Variants in RAI1 observed in about 807,000 individuals in gnomAD.
RAI1 encodes the protein retinoic acid induced 1.
A neutral mutation model predicts 123.8 loss-of-function variants in RAI1; 9 were observed. The ratio of observed to expected loss-of-function variants is 0.07; its 90% CI spans 0.04 to 0.13. The LOEUF (loss-of-function observed/expected upper bound fraction) is 0.13, where lower values mean the gene tolerates loss of function less well. Among genes scored for constraint, RAI1 ranks in the 10% least tolerant of loss-of-function variants. The pLI is 1.00. For missense variants in RAI1, 2,256 were observed against 2,545.8 expected, an observed-to-expected ratio of 0.89 and a Z score of 2.45; for synonymous variants, 1,231 against 1,127.3, an observed-to-expected ratio of 1.09 and a Z score of -1.84.
rs1393276652 is a variant in RAI1 at position 17,683,129 on chromosome 17, A to G, written c.-149+1336A>G. On this transcript the variant is annotated intron_variant, in intron 1 of 5. Coordinates refer to ENST00000353383, the MANE Select transcript of RAI1 (RefSeq NM_030665.4). ...TGTGTTGAGAATTCAAGGGCATTAC[A>G]TCTGGTTGCAATCCAGTTTCATGCC... 3.9e-5 allele frequency among the ~76,000 whole-genome samples: 6 copies of G among 152,204 alleles called. No individual in the cohort carries two copies. In the East Asian group the frequency reaches 1.2e-3, roughly 29 times the overall value.
intron 2 of RAI1, among the ~76,000 whole-genome samples, chr17:17,763,321 C>T (rs76723567): frequency 7.9e-5 from 12 of 152,208 alleles, no homozygotes; most frequent in African/African-American, 2.2e-4. Flanking sequence ...TGATCCAGAC[C>T]GGGAGCTGCC....
chr17:17,698,502 A>G (rs1009430021), intron 1 of RAI1, among the ~76,000 whole-genome samples: 1 of 151,890 alleles, frequency 6.6e-6, no homozygotes, highest in Non-Finnish European at 1.5e-5. Context: ...ACCCCTTTAT[A>G]TTGAATGTGT....
At chr17:17,740,540 T>A (rs73294188) in intron 2 of RAI1, among the ~76,000 whole-genome samples, 3 of 152,114 alleles carry the variant, frequency 2.0e-5, no homozygotes, top group African/African-American at 7.2e-5. Flanking sequence ...GTACAGGCAC[T>A]TCTCTAAGGT....
intron 2 of RAI1, chr17:17,778,639 C>T: frequency 2.3e-6 from 1 of 433,856 alleles, no homozygotes; most frequent in Non-Finnish European, 4.7e-6. Context: ...ACCGGAGCCC[C>T]AGCCCCTATG....
rs1387466500 is a variant in RAI1, at chr17:17,796,814, C to T, written c.3866C>T (p.Ala1289Val). The change falls in exon 3 of 6, where the codon GCC (alanine) becomes GTC (valine). Residue 1289 changes from alanine to valine, a missense_variant. Ala to Val is a moderately conservative substitution (Grantham distance 64). Around this residue, in one of 7 missense-constraint regions of RAI1, gnomAD observed 322 missense variants for 358.0 expected, o/e 0.90. Transcript: ENST00000353383. The surrounding 1 kb of genome is among the most constrained non-coding windows in gnomAD (Gnocchi z 5.8). ...CCCACCAAGGGCAATGGCGAGCCTG[C>T]CACAAAGCTCCCACCCCCGGAGACC... ...AKPTKGNGEP[A>V]TKLPPPETPD... 2.5e-6 allele frequency: 4 copies of T among 1,610,732 alleles called. No individual in the cohort carries two copies. The South Asian group carries it at 3.3e-5, about 13-fold the overall frequency.
chr17:17,786,683 C>A (rs1367722223), intron 2 of RAI1, among the ~76,000 whole-genome samples: 1 of 152,240 alleles, frequency 6.6e-6, no homozygotes, highest in African/African-American at 2.4e-5. Context: ...ACACTTGACA[C>A]CTCTGTGTTT....
chr17:17,810,082 C>A lies in RAI1; in HGVS notation c.*101C>A. On this transcript the variant is annotated 3_prime_UTR_variant, in exon 6 of 6. Coordinates refer to ENST00000353383, the MANE Select transcript of RAI1 (RefSeq NM_030665.4). This position sits in a 1 kb window ranked among gnomAD's most constrained non-coding sequence, Gnocchi z 4.6. ...GCAGCCCCCGGGCCTTTGAGCTGCT[C>A]CCAGCGCTGGTCCAGAGCCGATCCT... is the stretch of plus-strand genomic sequence containing the variant. The A allele has an allele frequency of 1.4e-6, 2 of 1,459,150 alleles. No individual in the cohort carries two copies. The highest frequency in any genetic ancestry group is 2.5e-5 in the East Asian group (1 of 40,084). The allele number at this position is 1,459,150 out of a possible 1,614,324, so 90.4% of individuals were successfully genotyped here. A position where few individuals can be genotyped will look rare whatever the true frequency, so the allele number is the denominator to read the frequency against.
At chr17:17,803,018 C>T (rs12946913) in intron 3 of RAI1, among the ~76,000 whole-genome samples, 1 of 148,570 alleles carries the variant, frequency 6.7e-6, no homozygotes, top group South Asian at 2.2e-4. Flanking sequence ...CAGGAGGCAG[C>T]GGTTGCCGTG....
In RAI1 at chr17:17,736,563, A is replaced by G. The variant is rs62064090; in HGVS notation, c.-17+12404A>G. ...ACCAGATGGAGAGACCTTTCTGGAG[A>G]TGGCATGCACACTTCCAGATAGGAG... is the stretch of plus-strand genomic sequence containing the variant. On this transcript the variant is annotated intron_variant, in intron 2 of 5. Coordinates refer to ENST00000353383, the MANE Select transcript of RAI1 (RefSeq NM_030665.4). 6.1e-3 allele frequency among the ~76,000 whole-genome samples: 932 copies of G among 152,360 alleles called. 13 individuals carry two copies. Among genetic ancestry groups the G allele is most frequent in the Middle Eastern group, 0.01 (3 of 294 alleles).
At chr17:17,779,824 G>C (rs55771242) in intron 2 of RAI1, among the ~76,000 whole-genome samples, 1 of 148,582 alleles carries the variant, frequency 6.7e-6, no homozygotes, top group Non-Finnish European at 1.5e-5. Context: ...GCCCAGGCTG[G>C]AGTGCAGTGG....
At chr17:17,767,410 GAA>G (rs750016149) in intron 2 of RAI1, among the ~76,000 whole-genome samples, 1 of 139,372 alleles carries the variant, frequency 7.2e-6, no homozygotes, top group Non-Finnish European at 1.6e-5. Context: ...AAAACTCGCT[GAA>G]AAAAAAAAAA....
intron 1 of RAI1, among the ~76,000 whole-genome samples, chr17:17,692,588 C>T (rs771145096): frequency 6.6e-6 from 1 of 152,214 alleles, no homozygotes; most frequent in Non-Finnish European, 1.5e-5. Flanking sequence ...CTGCTTACCC[C>T]CTTCCCCATG....
chr17:17,740,156 A>C (rs1358351296), intron 2 of RAI1, among the ~76,000 whole-genome samples: 1 of 152,216 alleles, frequency 6.6e-6, no homozygotes, highest in Non-Finnish European at 1.5e-5. Context: ...CTTAGTGCCC[A>C]GCTAGGGCCT....
intron 1 of RAI1, among the ~76,000 whole-genome samples, chr17:17,710,482 C>T (rs1402263403): frequency 6.6e-6 from 1 of 152,230 alleles, no homozygotes; most frequent in East Asian, 1.9e-4. Flanking sequence ...CCCAGAGACC[C>T]TCCTGGCCCT....
chr17:17,745,647 C>A (rs1266887562), intron 2 of RAI1, among the ~76,000 whole-genome samples: 1 of 152,212 alleles, frequency 6.6e-6, no homozygotes, highest in Admixed American at 6.5e-5. Flanking sequence ...ATCCACCCGC[C>A]TTGGCCTCCC....
intron 2 of RAI1, among the ~76,000 whole-genome samples, chr17:17,774,808 T>A (rs1221584221): frequency 1.3e-5 from 2 of 152,252 alleles, no homozygotes; most frequent in Non-Finnish European, 2.9e-5. Context: ...ATGTACGTTG[T>A]CTCCTGGCAT....
chr17:17,686,369 G>A (rs1286154337), intron 1 of RAI1, among the ~76,000 whole-genome samples: 2 of 152,122 alleles, frequency 1.3e-5, no homozygotes, highest in Admixed American at 6.5e-5. Flanking sequence ...GCTGCTTCCT[G>A]AGGGGGCTGG....
At chr17:17,682,855 C>T (rs1448291822) in intron 1 of RAI1, among the ~76,000 whole-genome samples, 1 of 151,858 alleles carries the variant, frequency 6.6e-6, no homozygotes, top group Non-Finnish European at 1.5e-5. Flanking sequence ...CTGGCGGGGG[C>T]GCGGCGGGCC....
chr17:17,758,235 C>G (rs996261767), intron 2 of RAI1, among the ~76,000 whole-genome samples: 2 of 152,246 alleles, frequency 1.3e-5, no homozygotes, highest in Admixed American at 6.5e-5. Context: ...GCCACAAGCC[C>G]TACCAACCCG....
Sources: allele counts gnomAD v4.1 joint callset (sites outside exome capture counted in the v4.1 genomes callset), GRCh38; gene constraint gnomAD v4.1.1; regional missense constraint gnomAD v4.1.1; non-coding constraint Gnocchi (gnomAD v3.1); transcripts MANE v1.5; gene names NCBI Gene and HGNC (gene_info 2026-07-23, HGNC 2026-07-21).